The following LRRK2 variants were observed in gnomAD, a reference collection of about 807,000 sequenced individuals.
The protein encoded by LRRK2 is leucine-rich repeat serine/threonine-protein kinase 2.
A neutral mutation model predicts 302.6 loss-of-function variants in LRRK2; 203 were observed. The ratio of observed to expected loss-of-function variants is 0.67; its 90% CI spans 0.60 to 0.75. The LOEUF is 0.75. Ranked by LOEUF, LRRK2 falls within the 30% of genes least tolerant of loss-of-function variation. The pLI is 0.00. For missense variants in LRRK2, 2,830 were observed against 2,951.0 expected (o/e 0.96, Z 0.95); for synonymous variants, 1,066 against 1,031.9 (o/e 1.03, Z -0.63).
chr12:40,251,625 T>C, intron 10 of LRRK2, 81 bp downstream of exon 10: 1 of 1,217,604 alleles, frequency 8.2e-7, no homozygotes, highest in Non-Finnish European at 1.2e-6. Context: ...AACCGTAACT[T>C]TTATTGTTAG....
intron 19 of LRRK2, 44 bp from the exon 20 acceptor site, chr12:40,287,307 A>G (rs199955218): frequency 6.4e-7 from 1 of 1,562,830 alleles, no homozygotes; most frequent in South Asian, 1.1e-5. Flanking sequence ...TTATTTTTGC[A>G]TAATTGTTGA....
rs1281362154 is a variant in LRRK2 at position 40,240,697 on chromosome 12, A to G, written c.706+80A>G. On this transcript the variant is annotated intron_variant, in intron 6 of 50. Transcript: ENST00000298910. ...CTCATTCTGAGTATATTTTAACAAT[A>G]TTTTTATTATTTAGAAACTTGTGGA... The G allele has an allele frequency of 8.2e-6, 11 of 1,349,616 alleles. No homozygotes were observed. The East Asian group carries it at 2.3e-4, about 28-fold the overall frequency. 83.6% of individuals were successfully genotyped at this position (1,349,616 alleles called of 1,614,324 possible).
rs530074546 is a variant in LRRK2, at chr12:40,308,092, G to A, written c.3960-375G>A. Among the ~76,000 whole-genome samples the A allele has an allele frequency of 2.6e-5, 4 of 151,190 alleles. No homozygotes were observed. In the South Asian group the frequency reaches 8.3e-4, roughly 32 times the overall value. On this transcript the variant is annotated intron_variant, in intron 28 of 50. Transcript: ENST00000298910. ...ACCGCACCTGGCGTATAATTTGTAG[G>A]GTTTTTCATACTATTTAAAGACATT...
In LRRK2 at chr12:40,322,371, A is replaced by G; in HGVS notation, c.5370A>G (p.Glu1790=). ...VVDHIDSLME[E]WFPGLLEIDI... Reference sequence around the variant, plus strand: ...ACCACATTGATTCTCTCATGGAAGAATGGTTTCCTGGGTTGCTGGAGATTG... The same window carrying G: ...ACCACATTGATTCTCTCATGGAAGAGTGGTTTCCTGGGTTGCTGGAGATTG... The change falls in exon 37 of 51, where the codon GAA becomes GAG. Residue 1790 remains glutamate (E), a synonymous_variant. Coordinates refer to ENST00000298910, the MANE Select transcript of LRRK2 (RefSeq NM_198578.4). 6.2e-7 allele frequency: 1 copy of G among 1,613,750 alleles called. No homozygotes were observed.
At chr12:40,359,466 C>A in intron 47 of LRRK2, 22 bp downstream of exon 47, 1 of 1,597,910 alleles carries the variant, frequency 6.3e-7, no homozygotes, top group East Asian at 2.2e-5. Context: ...TTTATCTGTA[C>A]AAGTAATTTA....
chr12:40,261,044 G>C (rs1942749318), intron 13 of LRRK2, among the ~76,000 whole-genome samples: 1 of 151,634 alleles, frequency 6.6e-6, no homozygotes, highest in African/African-American at 2.4e-5. Context: ...TTTTTTCTGG[G>C]CCCCCCAGTC....
intron 4 of LRRK2, 83 bp downstream of exon 4, chr12:40,235,797 T>TG (rs1395398698): frequency 8.2e-6 from 5 of 606,724 alleles, no homozygotes; most frequent in Non-Finnish European, 1.1e-5. Context: ...GTGTGTGTTT[T>TG]TTTTTTTTTT....
At chr12:40,309,794 C>CGT (rs1303776315) in intron 30 of LRRK2, among the ~76,000 whole-genome samples, 1 of 152,136 alleles carries the variant, frequency 6.6e-6, no homozygotes, top group Non-Finnish European at 1.5e-5. Context: ...TTGCATGATG[C>CGT]TGCAATGAAC....
chr12:40,231,937 G>A (rs1051572814), intron 2 of LRRK2, among the ~76,000 whole-genome samples: 6 of 151,718 alleles, frequency 4.0e-5, no homozygotes, highest in African/African-American at 1.2e-4. Flanking sequence ...CCGAGTAGCT[G>A]AGATTACAGG....
intron 6 of LRRK2, among the ~76,000 whole-genome samples, chr12:40,240,857 G>T (rs886726850): frequency 1.3e-4 from 20 of 152,168 alleles, no homozygotes; most frequent in African/African-American, 4.3e-4. Context: ...TTCAGAGCTT[G>T]TAGTACAATG....
intron 25 of LRRK2, among the ~76,000 whole-genome samples, chr12:40,300,125 A>G (rs1944570956): frequency 6.6e-6 from 1 of 152,148 alleles, no homozygotes; most frequent in African/African-American, 2.4e-5. Flanking sequence ...GATAAATATG[A>G]TTACTCTTTG....
At chr12:40,357,560 A>G (rs1340846470) in intron 46 of LRRK2, among the ~76,000 whole-genome samples, 1 of 152,098 alleles carries the variant, frequency 6.6e-6, no homozygotes, top group African/African-American at 2.4e-5. Context: ...ATACACACCA[A>G]TAGCATATGG....
chr12:40,237,670 A>G (rs139265611), intron 4 of LRRK2, among the ~76,000 whole-genome samples: 15 of 152,314 alleles, frequency 9.8e-5, no homozygotes, highest in African/African-American at 3.4e-4. Flanking sequence ...TAAGAGGCAT[A>G]AGAATGTATT....
In LRRK2 at chr12:40,359,463, G is replaced by A; in HGVS notation, c.7028+19G>A. On this transcript the variant is annotated intron_variant, in intron 47 of 50. Transcript: ENST00000298910. ...GCCAACTGTAAGTTATTTTTTATCT[G>A]TACAAGTAATTTATCATTATACTTT... is the stretch of plus-strand genomic sequence containing the variant. 1 of 1,601,492 alleles carries A rather than the reference G, an allele frequency of 6.2e-7. No homozygotes were observed. The highest frequency in any genetic ancestry group is 8.5e-7 in the Non-Finnish European group (1 of 1,170,476).
At chr12:40,251,139 T>C in intron 8 of LRRK2, 93 bp from the exon 9 acceptor site, 2 of 839,008 alleles carry the variant, frequency 2.4e-6, no homozygotes, top group South Asian at 3.7e-5. Context: ...CTCATTCTGT[T>C]GGTAATATTT....
At chr12:40,346,972 A>G (rs781656393) in intron 42 of LRRK2, 49 bp downstream of exon 42, 1 of 1,479,618 alleles carries the variant, frequency 6.8e-7, no homozygotes, top group African/African-American at 1.4e-5. Context: ...TAATATCAGC[A>G]GCTTCATTTT....
At chr12:40,275,079 T>C in intron 16 of LRRK2, 86 bp downstream of exon 16, 3 of 1,405,898 alleles carry the variant, frequency 2.1e-6, no homozygotes, top group Non-Finnish European at 3.0e-6. Flanking sequence ...TTTGCATGAA[T>C]GGGGTATTCT....
chr12:40,263,865 T>C lies in LRRK2; in HGVS notation c.1620T>C (p.Asn540=), dbSNP rs766727608. ...LNMVKKQCFK[N]DIHKLVLAAL... ...TGGTTAAAAAACAGTGTTTCAAGAA[T>C]GATATTCACAAACTGGTCCTAGCAG... Residue 540 remains asparagine, a synonymous_variant, in exon 14 of 51, where the codon AAT becomes AAC. Coordinates refer to ENST00000298910, the MANE Select transcript of LRRK2 (RefSeq NM_198578.4). 9 of 1,612,812 alleles carry C rather than the reference T, an allele frequency of 5.6e-6. No individual in the cohort carries two copies. Among genetic ancestry groups the C allele is most frequent in the Non-Finnish European group, 5.9e-6 (7 of 1,179,236 alleles).
intron 47 of LRRK2, among the ~76,000 whole-genome samples, chr12:40,359,808 A>G (rs1403066975): frequency 6.6e-6 from 1 of 152,140 alleles, no homozygotes; most frequent in Non-Finnish European, 1.5e-5. Flanking sequence ...ATACATATGC[A>G]ATTTGGGTAA....
Sources: allele counts gnomAD v4.1 joint callset (sites outside exome capture counted in the v4.1 genomes callset), GRCh38; gene constraint gnomAD v4.1.1; transcripts MANE v1.5; gene names NCBI Gene and HGNC (gene_info 2026-07-23, HGNC 2026-07-21).